The following ST3GAL3 variants were observed in gnomAD, a reference collection of about 807,000 sequenced individuals.
The protein encoded by ST3GAL3 is CMP-N-acetylneuraminate-beta-1,4-galactoside alpha-2,3-sialyltransferase.
In ST3GAL3, 21 loss-of-function variants were observed where a neutral mutation model predicts 50.1. That is an observed-to-expected ratio of 0.42 (90% confidence interval 0.30 to 0.60). ST3GAL3 has a LOEUF of 0.60. ST3GAL3 is among the 20% of genes least tolerant of loss of function. The pLI, the probability that ST3GAL3 is intolerant of heterozygous loss-of-function variation, is 0.19. For synonymous variants in ST3GAL3, 183 were observed against 190.0 expected (o/e 0.96, Z 0.30); for missense variants, 353 against 489.4 (o/e 0.72, Z 2.63).
At chr1:43,793,558 T>C (rs2058342164) in intron 3 of ST3GAL3, among the ~76,000 whole-genome samples, 1 of 152,228 alleles carries the variant, frequency 6.6e-6, no homozygotes, top group Non-Finnish European at 1.5e-5. Context: ...TTCATATCTG[T>C]CTAACTCTAG....
intron 2 of ST3GAL3, among the ~76,000 whole-genome samples, chr1:43,790,422 G>A (rs2057909667): frequency 6.6e-6 from 1 of 152,124 alleles, no homozygotes; most frequent in African/African-American, 2.4e-5. Flanking sequence ...TAAGTCTGTG[G>A]AATCTGATCC....
At chr1:43,791,023 C>G (rs1421988887) in intron 2 of ST3GAL3, among the ~76,000 whole-genome samples, 1 of 152,154 alleles carries the variant, frequency 6.6e-6, no homozygotes, top group Admixed American at 6.5e-5. Flanking sequence ...TTCAGTTGCT[C>G]TGGAGCACCA....
At chr1:43,900,075 C>T (rs112101178) in intron 9 of ST3GAL3, among the ~76,000 whole-genome samples, 2 of 152,056 alleles carry the variant, frequency 1.3e-5, no homozygotes, top group African/African-American at 2.4e-5. Flanking sequence ...CTCAGGCCAG[C>T]CTTCGTATCA....
chr1:43,748,768 G>C (rs1356426525), intron 2 of ST3GAL3, among the ~76,000 whole-genome samples: 1 of 152,032 alleles, frequency 6.6e-6, no homozygotes, highest in Non-Finnish European at 1.5e-5. Context: ...GAGGTTTTGA[G>C]TTGTTGCCCA....
intron 1 of ST3GAL3, among the ~76,000 whole-genome samples, chr1:43,723,834 A>T (rs1334117313): frequency 6.6e-6 from 1 of 151,668 alleles, no homozygotes; most frequent in Non-Finnish European, 1.5e-5. Context: ...CTAGTCTCGA[A>T]CTCCTGACCT....
chr1:43,759,305 G>GT (rs567443950), intron 2 of ST3GAL3, among the ~76,000 whole-genome samples: 3 of 152,122 alleles, frequency 2.0e-5, no homozygotes, highest in Non-Finnish European at 2.9e-5. Context: ...TTAGCTGGGC[G>GT]TGGTGGCATG....
rs541422112 is a variant in ST3GAL3 at position 43,881,785 on chromosome 1, A to T, written c.303-12598A>T. 1.8e-4 allele frequency among the ~76,000 whole-genome samples: 25 copies of T among 140,738 alleles called. No individual in the cohort carries two copies. In the South Asian group the frequency reaches 4.4e-3, roughly 25 times the overall value. 92.3% of individuals were successfully genotyped at this position (140,738 alleles called of 152,430 possible). A position where few individuals can be genotyped will look rare whatever the true frequency, so the allele number is the denominator to read the frequency against. The stretch of plus-strand genomic sequence containing the variant: ...GGGGCAGTAGCTGGCAGTATTTCAG[A>T]ATGGGGGGTGGGGGTGTCTGTGAAC... On this transcript the variant is annotated intron_variant, in intron 5 of 11. Coordinates refer to ENST00000347631, the MANE Select transcript of ST3GAL3 (RefSeq NM_006279.5).
intron 5 of ST3GAL3, 128 bp downstream of exon 5, chr1:43,838,439 C>A: frequency 1.1e-6 from 1 of 908,694 alleles, no homozygotes; most frequent in Non-Finnish European, 1.8e-6. Context: ...GGAAAGGACT[C>A]TGCCTTTAAG....
Position 43,803,173 on chromosome 1 carries a change from G to A in ST3GAL3, c.166+11024G>A, listed in dbSNP as rs572061442. Among the ~76,000 whole-genome samples the A allele has an allele frequency of 1.7e-4, 26 of 152,156 alleles. No homozygotes were observed. The East Asian group carries it at 3.9e-3, about 23-fold the overall frequency. On this transcript the variant is annotated intron_variant, in intron 3 of 11. Transcript: ENST00000347631. ...ACTCCTGACCTTGTGATCCGCCCGCGTTGGCCTCCCAAAATGCTGGAATTA... is the reference window on the plus strand; with the variant it reads ...ACTCCTGACCTTGTGATCCGCCCGCATTGGCCTCCCAAAATGCTGGAATTA...
intron 5 of ST3GAL3, among the ~76,000 whole-genome samples, chr1:43,874,030 G>C (rs2073582446): frequency 1.3e-5 from 2 of 151,948 alleles, no homozygotes; most frequent in Admixed American, 1.3e-4. Flanking sequence ...TGCAACATTA[G>C]GAAATCCAGG....
At chr1:43,829,342 A>C (rs2063230312) in intron 4 of ST3GAL3, among the ~76,000 whole-genome samples, 1 of 152,214 alleles carries the variant, frequency 6.6e-6, no homozygotes, top group African/African-American at 2.4e-5. Flanking sequence ...AAAACCCCAG[A>C]TACTGCTGAA....
intron 2 of ST3GAL3, among the ~76,000 whole-genome samples, chr1:43,745,900 A>G (rs527275059): frequency 1.8e-4 from 28 of 152,254 alleles, no homozygotes; most frequent in Non-Finnish European, 3.7e-4. Context: ...AAGTGATGGC[A>G]TTGCAGGCAT....
intron 9 of ST3GAL3, among the ~76,000 whole-genome samples, chr1:43,902,395 T>C (rs181261896): frequency 7.4e-4 from 113 of 152,184 alleles, no homozygotes; most frequent in African/African-American, 2.5e-3. Flanking sequence ...GGAGTCCTCA[T>C]AGGATATGGG....
chr1:43,804,269 C>A lies in ST3GAL3; in HGVS notation c.167-10622C>A, dbSNP rs545543719. On this transcript the variant is annotated intron_variant, in intron 3 of 11. Transcript: ENST00000347631. ...AAGGAGATGCGCTGGGATCTGTAACCTTGCCCAACCCCAGCAGTAGAGAAG... is the reference window on the plus strand; with the variant it reads ...AAGGAGATGCGCTGGGATCTGTAACATTGCCCAACCCCAGCAGTAGAGAAG... Among the ~76,000 whole-genome samples, 3 of 152,316 alleles carry A rather than the reference C, an allele frequency of 2.0e-5. No individual in the cohort carries two copies. In the South Asian group the frequency reaches 6.2e-4, roughly 32 times the overall value.
In ST3GAL3 at chr1:43,905,643, TCCCCCTCCTCCTGCTTCTCTTCCCGCC is replaced by T. The variant is rs1256696646; in HGVS notation, c.744+5917_744+5943del. Among the ~76,000 whole-genome samples, 76 of 9,032 alleles carry T rather than the reference TCCCCCTCCTCCTGCTTCTCTTCCCGCC, an allele frequency of 8.4e-3. 4 individuals carry two copies. Among genetic ancestry groups the T allele is most frequent in the Non-Finnish European group, 0.012 (41 of 3,508 alleles). The allele number at this position is 9,032 out of a possible 152,430, so 5.9% of individuals were successfully genotyped here. On this transcript the variant is annotated intron_variant, in intron 9 of 11. Transcript: ENST00000347631. Reference sequence around the variant, plus strand: ...CTGCTTCTCTTCCCGCCACTGTTTCTCCCCCTCCTCCTGCTTCTCTTCCCGCCACTGTTTCTCCCCCTCCTTCTGCCC... The same window carrying T: ...CTGCTTCTCTTCCCGCCACTGTTTCTACTGTTTCTCCCCCTCCTTCTGCCC...
At chr1:43,862,679 G>T (rs1472114011) in intron 5 of ST3GAL3, among the ~76,000 whole-genome samples, 1 of 151,296 alleles carries the variant, frequency 6.6e-6, no homozygotes, top group African/African-American at 2.4e-5. Context: ...AGGCTGAGGC[G>T]GGAGGATCAC....
intron 6 of ST3GAL3, among the ~76,000 whole-genome samples, chr1:43,897,714 G>A (rs1450421314): frequency 2.0e-5 from 3 of 152,222 alleles, no homozygotes; most frequent in African/African-American, 7.2e-5. Flanking sequence ...GATTGGCAAT[G>A]TGAGAGGGAG....
intron 2 of ST3GAL3, among the ~76,000 whole-genome samples, chr1:43,750,088 A>G (rs1685447264): frequency 6.6e-6 from 1 of 152,198 alleles, no homozygotes; most frequent in Admixed American, 6.5e-5. Flanking sequence ...ATTAAGACAC[A>G]CCTCAAAAGA....
At chr1:43,867,766 T>G (rs528335898) in intron 5 of ST3GAL3, among the ~76,000 whole-genome samples, 3 of 152,352 alleles carry the variant, frequency 2.0e-5, no homozygotes, top group Admixed American at 2.0e-4. Context: ...TACCGTACCT[T>G]CTTGGCTCTT....
Sources: allele counts gnomAD v4.1 joint callset (sites outside exome capture counted in the v4.1 genomes callset), GRCh38; gene constraint gnomAD v4.1.1; transcripts MANE v1.5; gene names NCBI Gene and HGNC (gene_info 2026-07-23, HGNC 2026-07-21).